RTN4: variants seen among roughly 807,000 people sequenced by gnomAD.
The protein encoded by RTN4 is reticulon 4.
A neutral mutation model predicts 90.4 loss-of-function variants in RTN4; 32 were observed. The observed-to-expected ratio is 0.35, with a 90% CI of 0.27 to 0.48. The LOEUF is 0.48. Ranked by LOEUF, RTN4 falls within the 20% of genes least tolerant of loss-of-function variation. The pLI, the probability that RTN4 is intolerant of heterozygous loss-of-function variation, is 0.99. For synonymous variants in RTN4, 629 were observed against 552.5 expected, an observed-to-expected ratio of 1.14 and a Z score of -1.94; for missense variants, 1,706 against 1,430.2, an observed-to-expected ratio of 1.19 and a Z score of -3.11.
chr2:55,049,259 G>T, intron 1 of RTN4: 1 of 753,158 alleles, frequency 1.3e-6, no homozygotes, highest in Non-Finnish European at 1.6e-6. Context: ...GGAGCCCGGG[G>T]CAGAATGCAG....
At chr2:55,008,666 G>A (rs1680411458) in intron 3 of RTN4, among the ~76,000 whole-genome samples, 1 of 151,942 alleles carries the variant, frequency 6.6e-6, no homozygotes, top group African/African-American at 2.4e-5. Context: ...AACTACATTG[G>A]AACTTAATTT....
chr2:55,080,885 C>T (rs1278619872), intron 1 of RTN4, among the ~76,000 whole-genome samples: 1 of 152,128 alleles, frequency 6.6e-6, no homozygotes, highest in Non-Finnish European at 1.5e-5. Flanking sequence ...ACTAATTTTA[C>T]ACTATGTAAA....
chr2:55,133,946 G>T, the RTN4 span, among the ~76,000 whole-genome samples: 1 of 152,180 alleles, frequency 6.6e-6, no homozygotes, highest in African/African-American at 2.4e-5. Flanking sequence ...CAACCCCAAA[G>T]GCTGCTGGTT....
intron 1 of RTN4, among the ~76,000 whole-genome samples, chr2:55,106,542 G>T (rs998683317): frequency 6.6e-6 from 1 of 151,816 alleles, no homozygotes; most frequent in African/African-American, 2.4e-5. Flanking sequence ...TTTTTTAAAT[G>T]GAGTTTTGCT....
the RTN4 span, among the ~76,000 whole-genome samples, chr2:55,132,910 T>C: frequency 6.0e-4 from 91 of 151,778 alleles, no homozygotes; most frequent in Non-Finnish European, 1.1e-3. Flanking sequence ...TTTTTAATTA[T>C]TATTATTTTT....
chr2:55,099,621 T>C (rs1195390454), intron 1 of RTN4, among the ~76,000 whole-genome samples: 1 of 152,066 alleles, frequency 6.6e-6, no homozygotes, highest in Non-Finnish European at 1.5e-5. Context: ...GAGACTGACT[T>C]TAAATTTTTG....
the RTN4 span, among the ~76,000 whole-genome samples, chr2:55,132,364 G>A: frequency 4.6e-5 from 7 of 151,800 alleles, no homozygotes; most frequent in Non-Finnish European, 1.0e-4. Flanking sequence ...TTAGCCGGGT[G>A]TGATGGCACA....
At position 55,095,048 on chromosome 2, in the gene RTN4, G is replaced by A. The variant is rs559148546; in HGVS notation, c.-213-14409C>T. 2.6e-5 allele frequency among the ~76,000 whole-genome samples: 4 copies of A among 152,206 alleles called. No homozygotes were observed. In the South Asian group the frequency reaches 8.3e-4, roughly 32 times the overall value. ...TATCCAAATACCATAATAAGGCTGG[G>A]CGCGGTGGCTCACACCTGTAATCGC... On this transcript the variant is annotated intron_variant, in intron 1 of 3. Coordinates refer to the RTN4 transcript ENST00000427710.
chr2:55,076,271 A>C (rs1410432093), intron 2 of RTN4, among the ~76,000 whole-genome samples: 2 of 152,150 alleles, frequency 1.3e-5, no homozygotes, highest in Non-Finnish European at 2.9e-5. Flanking sequence ...AAGTGGGCTA[A>C]GGACATGAAT....
At chr2:55,065,727 C>G (rs1225354929) in intron 2 of RTN4, among the ~76,000 whole-genome samples, 1 of 146,202 alleles carries the variant, frequency 6.8e-6, no homozygotes, top group Non-Finnish European at 1.5e-5. Context: ...TAAAAACATG[C>G]AAAACTGCTT....
chr2:54,985,870 C>G (rs1415426477), intron 4 of RTN4, among the ~76,000 whole-genome samples: 1 of 152,216 alleles, frequency 6.6e-6, no homozygotes, highest in Non-Finnish European at 1.5e-5. Flanking sequence ...GTTTCCCCTA[C>G]TTTCAAGCTA....
Position 55,049,829 on chromosome 2 carries a change from C to G in RTN4, c.472G>C (p.Val158Leu). ...GGAGCCGGGGCTGGCGGGGTCCACA[C>G]GGGCTCTGCCTGGGGGCTCACGCTG... ...PASVSPQAEP[V>L]WTPPAPAPAA... is the part of the protein sequence containing the mutation. Residue 158 changes from valine to leucine, a missense_variant, in exon 1 of 9, where the codon GTG (valine) becomes CTG (leucine). By Grantham distance (32) the Val-to-Leu change is conservative. Transcript: ENST00000337526. 2.9e-5 allele frequency: 32 copies of G among 1,094,242 alleles called. No individual in the cohort carries two copies. The highest frequency in any genetic ancestry group is 3.6e-5 in the Non-Finnish European group (32 of 884,536). 67.8% of individuals were successfully genotyped at this position (1,094,242 alleles called of 1,614,324 possible).
intron 2 of RTN4, among the ~76,000 whole-genome samples, chr2:55,064,668 A>G (rs1013507917): frequency 6.6e-6 from 1 of 152,174 alleles, no homozygotes; most frequent in Non-Finnish European, 1.5e-5. Context: ...ACATTCTTAA[A>G]TCATTAAAGA....
chr2:55,019,796 A>G (rs186362793), intron 3 of RTN4, among the ~76,000 whole-genome samples: 181 of 152,316 alleles, frequency 1.2e-3, no homozygotes, highest in African/African-American at 4.3e-3. Context: ...CTGTTTGCAG[A>G]TGACATGATC....
At position 55,083,116 on chromosome 2, in the gene RTN4, A is replaced by G. The variant is rs923092290; in HGVS notation, c.-213-2477T>C. On this transcript the variant is annotated intron_variant, in intron 1 of 3. Transcript: ENST00000427710. ...AATGAGTACATAAGTTAATATCAAT[A>G]GGTTGGATATGCAGCCATTAAAAGT... 1.8e-4 allele frequency among the ~76,000 whole-genome samples: 28 copies of G among 152,258 alleles called. 1 individual carries two copies. Among genetic ancestry groups the G allele is most frequent in the Admixed American group, 1.8e-3 (28 of 15,278 alleles).
chr2:55,108,376 G>C (rs548497644), intron 1 of RTN4, among the ~76,000 whole-genome samples: 1 of 152,186 alleles, frequency 6.6e-6, no homozygotes, highest in South Asian at 2.1e-4. Flanking sequence ...TTAGTTACTT[G>C]AGTGCTCATC....
chr2:55,052,318 G>A (rs1363099011), upstream of RTN4, among the ~76,000 whole-genome samples: 1 of 152,190 alleles, frequency 6.6e-6, no homozygotes, highest in Non-Finnish European at 1.5e-5. Flanking sequence ...GGGCAGGAGT[G>A]AGAGTGTATG....
intron 1 of RTN4, among the ~76,000 whole-genome samples, chr2:55,093,543 A>G (rs958071619): frequency 6.6e-6 from 1 of 152,176 alleles, no homozygotes; most frequent in Admixed American, 6.5e-5. Flanking sequence ...ATTCCGCAGC[A>G]TAGCTTAGAG....
intron 2 of RTN4, among the ~76,000 whole-genome samples, chr2:55,071,462 ACCC>A (rs1294532906): frequency 6.8e-6 from 1 of 146,022 alleles, no homozygotes; most frequent in African/African-American, 2.5e-5. Context: ...TTAACAAACA[ACCC>A]TGTGTGTTTG....
Sources: allele counts gnomAD v4.1 joint callset (sites outside exome capture counted in the v4.1 genomes callset), GRCh38; gene constraint gnomAD v4.1.1; transcripts MANE v1.5; gene names NCBI Gene and HGNC (gene_info 2026-07-23, HGNC 2026-07-21).